FAM47E: variants seen among roughly 807,000 people sequenced by gnomAD.
FAM47E encodes protein FAM47E.
In FAM47E, 32 loss-of-function variants were observed where a neutral mutation model predicts 41.6. That is an observed-to-expected ratio of 0.77 (90% CI 0.58 to 1.03). The LOEUF is 1.03. FAM47E is among the 50% of genes least tolerant of loss of function. The pLI, the probability that FAM47E is intolerant of heterozygous loss-of-function variation, is 0.00. For missense variants in FAM47E, 424 were observed against 485.4 expected, an observed-to-expected ratio of 0.87 and a Z score of 1.19; for synonymous variants, 184 against 188.7, an observed-to-expected ratio of 0.98 and a Z score of 0.20.
At chr4:76,232,654 T>C (rs1733513684) in intron 2 of FAM47E, among the ~76,000 whole-genome samples, 2 of 152,192 alleles carry the variant, frequency 1.3e-5, no homozygotes, top group African/African-American at 4.8e-5. Flanking sequence ...CTAAACAAGA[T>C]TGAACATCAT....
intron 2 of FAM47E, among the ~76,000 whole-genome samples, chr4:76,221,672 A>G (rs975684941): frequency 2.6e-5 from 4 of 152,238 alleles, no homozygotes; most frequent in African/African-American, 9.6e-5. Flanking sequence ...AAAATACCGC[A>G]TGTTATCACT....
intron 2 of FAM47E, among the ~76,000 whole-genome samples, chr4:76,231,274 T>C (rs1033858496): frequency 2.0e-5 from 3 of 152,192 alleles, no homozygotes; most frequent in Admixed American, 6.5e-5. Flanking sequence ...ATCCTATTCA[T>C]TCCCATCACC....
upstream of FAM47E, among the ~76,000 whole-genome samples, chr4:76,249,138 G>A (rs1208427199): frequency 6.6e-6 from 1 of 152,026 alleles, no homozygotes; most frequent in African/African-American, 2.4e-5. Flanking sequence ...TGAGGCAGGA[G>A]GATCGCTTGA....
chr4:76,258,477 A>G (rs1734276562), intron 2 of FAM47E, among the ~76,000 whole-genome samples: 1 of 152,206 alleles, frequency 6.6e-6, no homozygotes, highest in Non-Finnish European at 1.5e-5. Flanking sequence ...GAAAGTAGAC[A>G]GTGGGCAGTC....
chr4:76,240,757 T>C (rs544499885), intron 2 of FAM47E, among the ~76,000 whole-genome samples: 8 of 152,274 alleles, frequency 5.3e-5, no homozygotes. Context: ...TTGGTTTCTT[T>C]TTAGGTTTTC....
At chr4:76,282,473 A>C (rs989399106) in intron 7 of FAM47E, 2 of 151,804 alleles carry the variant, frequency 1.3e-5, no homozygotes, top group South Asian at 2.1e-4. Context: ...GTGATGTGCA[A>C]CCTCCCTGAC....
chr4:76,255,992 A>G (rs185219286), intron 1 of FAM47E, among the ~76,000 whole-genome samples, 186 bp from the exon 2 acceptor site: 28 of 152,248 alleles, frequency 1.8e-4, no homozygotes, highest in African/African-American at 6.7e-4. Flanking sequence ...CGGAGCAGCA[A>G]TTCTGTGCTA....
intron 1 of FAM47E, among the ~76,000 whole-genome samples, chr4:76,216,959 C>G (rs1462712881): frequency 6.6e-6 from 1 of 152,206 alleles, no homozygotes. Flanking sequence ...AGCAGCTGGC[C>G]TGGCTGTCTT....
chr4:76,218,875 T>C (rs1733260709), intron 2 of FAM47E, among the ~76,000 whole-genome samples: 1 of 152,330 alleles, frequency 6.6e-6, no homozygotes, highest in Non-Finnish European at 1.5e-5. Context: ...TACTTGTACA[T>C]AGTACTTGTA....
chr4:76,249,025 C>T (rs1048291853), upstream of FAM47E, among the ~76,000 whole-genome samples: 1 of 151,928 alleles, frequency 6.6e-6, no homozygotes, highest in Non-Finnish European at 1.5e-5. Flanking sequence ...ATAACAAAAA[C>T]AATAGAACTT....
intron 5 of FAM47E, among the ~76,000 whole-genome samples, chr4:76,276,243 C>T (rs28689064): frequency 0.37 from 56,384 of 151,612 alleles, 10,860 homozygotes; most frequent in Middle Eastern, 0.47. Flanking sequence ...TTTTAGAGAA[C>T]AAGAAGAGAG....
intron 1 of FAM47E, among the ~76,000 whole-genome samples, chr4:76,253,959 A>G (rs28718095): frequency 0.15 from 22,304 of 151,870 alleles, 1,689 homozygotes; most frequent in Admixed American, 0.18. Flanking sequence ...TCTCTACAAA[A>G]GCAATTTAAA....
rs540325046 is a variant in FAM47E at position 76,263,211 on chromosome 4, T to C, written c.421-493T>C. ...ACATATCACTTTTTGAGCTATTTCT[T>C]CATGAATATGGTTTCCCTGCTCATA... On this transcript the variant is annotated intron_variant, in intron 2 of 7. Coordinates refer to ENST00000424749, the MANE Select transcript of FAM47E (RefSeq NM_001136570.3). 1.1e-4 allele frequency among the ~76,000 whole-genome samples: 16 copies of C among 152,346 alleles called. No homozygotes were observed. The East Asian group carries it at 3.1e-3, about 29-fold the overall frequency.
intron 1 of FAM47E, among the ~76,000 whole-genome samples, chr4:76,255,114 G>A (rs996576700): frequency 6.6e-6 from 1 of 152,118 alleles, no homozygotes; most frequent in Non-Finnish European, 1.5e-5. Context: ...TTTTCAAGAG[G>A]AGCCATTTTT....
chr4:76,229,777 G>A (rs116557578), intron 2 of FAM47E, among the ~76,000 whole-genome samples: 2,210 of 152,338 alleles, frequency 0.015, 29 homozygotes, highest in Non-Finnish European at 0.022. Context: ...GTCCTTGGTT[G>A]TAGATATGCT....
chr4:76,215,877 C>T (rs564938147), intron 1 of FAM47E, among the ~76,000 whole-genome samples: 6 of 152,270 alleles, frequency 3.9e-5, no homozygotes, highest in Admixed American at 3.9e-4. Flanking sequence ...CTGAGCCCTG[C>T]TCAAAATGCA....
chr4:76,280,649 G>A, intron 7 of FAM47E: 1 of 214,836 alleles, frequency 4.7e-6, no homozygotes, highest in Non-Finnish European at 9.2e-6. Context: ...CATGGGCCTT[G>A]CAAATTCCAA....
intron 3 of FAM47E, among the ~76,000 whole-genome samples, chr4:76,266,067 C>T (rs1734620430): frequency 6.6e-6 from 1 of 152,234 alleles, no homozygotes; most frequent in Non-Finnish European, 1.5e-5. Context: ...GATCACCATA[C>T]TTGTTGTATA....
chr4:76,239,261 A>G (rs909290639), intron 2 of FAM47E, among the ~76,000 whole-genome samples: 2 of 152,202 alleles, frequency 1.3e-5, no homozygotes, highest in African/African-American at 4.8e-5. Flanking sequence ...TCAGCAGTGG[A>G]AATGCTGGGT....
Sources: allele counts gnomAD v4.1 joint callset (sites outside exome capture counted in the v4.1 genomes callset), GRCh38; gene constraint gnomAD v4.1.1; transcripts MANE v1.5; gene names NCBI Gene and HGNC (gene_info 2026-07-23, HGNC 2026-07-21).